The following SLC44A5 variants were observed in gnomAD, a reference collection of about 807,000 sequenced individuals.
SLC44A5 encodes choline transporter-like protein 5.
SLC44A5 carries 57 observed loss-of-function variants against 101.8 expected under a neutral mutation model. That is an observed-to-expected ratio of 0.56 (90% confidence interval 0.45 to 0.70). The LOEUF (loss-of-function observed/expected upper bound fraction) is 0.70, where lower values mean the gene tolerates loss of function less well. Ranked by LOEUF, SLC44A5 falls within the 30% of genes least tolerant of loss-of-function variation. The pLI is 0.00. For missense variants in SLC44A5, 737 were observed against 853.1 expected (o/e 0.86, Z 1.70); for synonymous variants, 281 against 290.9 (o/e 0.97, Z 0.35).
At chr1:75,470,247 C>A (rs1667032896) in intron 2 of SLC44A5, among the ~76,000 whole-genome samples, 1 of 152,028 alleles carries the variant, frequency 6.6e-6, no homozygotes, top group Admixed American at 6.6e-5. Context: ...TTTTCAAGAA[C>A]CCTAGGGCTA....
intron 1 of SLC44A5, among the ~76,000 whole-genome samples, chr1:75,609,330 A>G (rs996332580): frequency 6.6e-6 from 1 of 152,010 alleles, no homozygotes; most frequent in Non-Finnish European, 1.5e-5. Flanking sequence ...ATTGGCAAGT[A>G]AAAATTTATA....
At chr1:75,544,526 C>A (rs211740) in intron 1 of SLC44A5, among the ~76,000 whole-genome samples, 139,212 of 149,520 alleles carry the variant, frequency 0.93, 65,408 homozygotes, top group East Asian at 0.97. Flanking sequence ...CACACACACA[C>A]AACAAAATAC....
intron 1 of SLC44A5, among the ~76,000 whole-genome samples, chr1:75,590,873 G>A (rs1674313470): frequency 6.6e-6 from 1 of 152,158 alleles, no homozygotes. Context: ...GGAGCTTAGG[G>A]GACCCCGCTA....
At chr1:75,450,539 T>A (rs903495140) in intron 2 of SLC44A5, among the ~76,000 whole-genome samples, 2 of 152,198 alleles carry the variant, frequency 1.3e-5, no homozygotes, top group Non-Finnish European at 2.9e-5. Context: ...TAGTAGGTGC[T>A]GGAATTTTGC....
chr1:75,522,012 GA>G (rs1272265331), intron 2 of SLC44A5: 1 of 152,360 alleles, frequency 6.6e-6, no homozygotes, highest in East Asian at 1.9e-4. Flanking sequence ...GGAGCAGGAG[GA>G]GAGGAAGCAC....
the SLC44A5 span, among the ~76,000 whole-genome samples, chr1:75,633,580 G>C: frequency 6.6e-6 from 1 of 152,132 alleles, no homozygotes; most frequent in Admixed American, 6.6e-5. Context: ...TGTATCCTGA[G>C]ACTTTGCTGA....
the SLC44A5 span, among the ~76,000 whole-genome samples, chr1:75,665,813 G>T: frequency 1.3e-5 from 2 of 152,056 alleles, no homozygotes; most frequent in Non-Finnish European, 2.9e-5. Context: ...GAAAAGACAT[G>T]AACAGACATT....
chr1:75,273,531 A>G (rs768895598), intron 6 of SLC44A5, among the ~76,000 whole-genome samples: 1 of 151,986 alleles, frequency 6.6e-6, no homozygotes, highest in Non-Finnish European at 1.5e-5. Flanking sequence ...GATGCCTTTT[A>G]TTACTTTGAG....
intron 3 of SLC44A5, among the ~76,000 whole-genome samples, chr1:75,383,203 G>T (rs1273852069): frequency 9.3e-6 from 1 of 107,914 alleles, no homozygotes; most frequent in Non-Finnish European, 1.9e-5. Context: ...TTGTTCACGT[G>T]TTTGTCTGCT....
the SLC44A5 span, among the ~76,000 whole-genome samples, chr1:75,625,278 T>C: frequency 1.7e-3 from 252 of 152,304 alleles, 1 homozygote; most frequent in Admixed American, 2.8e-3. Context: ...GGGCTACTTT[T>C]GGAACTTAGA....
the SLC44A5 span, among the ~76,000 whole-genome samples, chr1:75,686,012 T>C: frequency 2.0e-5 from 3 of 151,958 alleles, no homozygotes; most frequent in Non-Finnish European, 4.4e-5. Flanking sequence ...AAGTGCTGAG[T>C]GAAGGGGGAA....
intron 18 of SLC44A5, among the ~76,000 whole-genome samples, chr1:75,217,166 G>T (rs1289434620): frequency 2.0e-5 from 3 of 151,958 alleles, no homozygotes; most frequent in Non-Finnish European, 4.4e-5. Flanking sequence ...TCTTTTGCAT[G>T]TGGATATCCC....
intron 11 of SLC44A5, among the ~76,000 whole-genome samples, chr1:75,235,285 G>T (rs1246024520): frequency 6.6e-6 from 1 of 151,984 alleles, no homozygotes; most frequent in Non-Finnish European, 1.5e-5. Context: ...CAATACTTTA[G>T]ATTTATATTT....
chr1:75,226,755 A>T (rs1647205118), intron 13 of SLC44A5, among the ~76,000 whole-genome samples: 1 of 152,088 alleles, frequency 6.6e-6, no homozygotes, highest in East Asian at 1.9e-4. Context: ...GTAGTTAGAG[A>T]TTATTTTGAA....
intron 2 of SLC44A5, among the ~76,000 whole-genome samples, chr1:75,520,644 C>T (rs749228417): frequency 6.6e-6 from 1 of 152,024 alleles, no homozygotes; most frequent in Admixed American, 6.5e-5. Context: ...GAATGATAAA[C>T]TATAAGAAGT....
At chr1:75,469,983 C>T (rs1409176271) in intron 2 of SLC44A5, among the ~76,000 whole-genome samples, 1 of 150,958 alleles carries the variant, frequency 6.6e-6, no homozygotes, top group Non-Finnish European at 1.5e-5. Flanking sequence ...GGGAGGAGGG[C>T]TTCACGGATG....
chr1:75,512,763 A>G lies in SLC44A5; in HGVS notation c.13+28672T>C, dbSNP rs1163659114. Among the ~76,000 whole-genome samples the G allele has an allele frequency of 2.0e-5, 3 of 152,308 alleles. No individual in the cohort carries two copies. The East Asian group carries it at 5.8e-4, about 29-fold the overall frequency. ...GAAGGCAGTTGGTAAGATTCTCCTG[A>G]GGAAGGCTGATGCAGAGCTAACTAG... On this transcript the variant is annotated intron_variant, in intron 2 of 23. Transcript: ENST00000370859.
chr1:75,485,474 A>G (rs192568053), intron 2 of SLC44A5, among the ~76,000 whole-genome samples: 59 of 152,176 alleles, frequency 3.9e-4, no homozygotes, highest in Admixed American at 1.8e-3. Flanking sequence ...ATCTGAGACT[A>G]CCCCAGCCTG....
At chr1:75,358,447 G>A (rs1659242052) in intron 3 of SLC44A5, among the ~76,000 whole-genome samples, 1 of 152,072 alleles carries the variant, frequency 6.6e-6, no homozygotes, top group Non-Finnish European at 1.5e-5. Flanking sequence ...CTTTATCAAT[G>A]TATAACTGGA....
Sources: allele counts gnomAD v4.1 joint callset (sites outside exome capture counted in the v4.1 genomes callset), GRCh38; gene constraint gnomAD v4.1.1; transcripts MANE v1.5; gene names NCBI Gene and HGNC (gene_info 2026-07-23, HGNC 2026-07-21).